FBXO10: variants seen among roughly 807,000 people sequenced by gnomAD.
FBXO10 encodes F-box protein 10, also known as F-box only protein 10.
FBXO10 carries 39 observed loss-of-function variants against 80.7 expected under a neutral mutation model. The ratio of observed to expected loss-of-function variants is 0.48; its 90% CI spans 0.37 to 0.63. The LOEUF (loss-of-function observed/expected upper bound fraction) is 0.63. Ranked by LOEUF, FBXO10 falls within the 30% of genes least tolerant of loss-of-function variation. The pLI, the probability that FBXO10 is intolerant of heterozygous loss-of-function variation, is 0.00. For synonymous variants in FBXO10, 449 were observed against 489.6 expected (o/e 0.92, Z 1.09); for missense variants, 1,025 against 1,269.0 (o/e 0.81, Z 2.92).
At chr9:37,525,004 C>G (rs759581546) in intron 6 of FBXO10, 98 bp downstream of exon 6, 2 of 1,029,374 alleles carry the variant, frequency 1.9e-6, no homozygotes, top group Non-Finnish European at 2.9e-6. Context: ...AGGCCATAGT[C>G]TGTGGGGGTA....
Position 37,574,745 on chromosome 9 carries a change from G to A in FBXO10, c.-7+1466C>T, listed in dbSNP as rs181393508. ...GCTTATTGTTATTTTAAAATGTACT[G>A]AGAACGGGCAGGGAGATGGATATAT... On this transcript the variant is annotated intron_variant, in intron 1 of 10. Transcript: ENST00000432825. 5.6e-4 allele frequency among the ~76,000 whole-genome samples: 85 copies of A among 152,294 alleles called. 1 individual carries two copies. The highest frequency in any genetic ancestry group is 2.0e-3 in the African/African-American group (85 of 41,550).
Position 37,512,663 on chromosome 9 carries a change from TGA to T in FBXO10, c.2753_2754del (p.Leu918GlnfsTer94). ...CCATTGTGGGCTGCCGAGGGACGTC[TGA>T]GAGAATTTTCAAGGTGGGGCCGTGC... The part of the protein sequence containing the change: ...PPARPHLENS[L>X]RRPSAAHNGQ... On this transcript the variant is annotated frameshift_variant, in exon 11 of 11. Coordinates refer to ENST00000432825, the MANE Select transcript of FBXO10 (RefSeq NM_012166.3). LOFTEE classifies it high-confidence loss of function. 6.2e-7 allele frequency: 1 copy of T among 1,613,970 alleles called. No individual in the cohort carries two copies. Among genetic ancestry groups the T allele is most frequent in the Non-Finnish European group, 8.5e-7 (1 of 1,179,886 alleles).
chr9:37,550,770 C>A (rs1414447512), intron 1 of FBXO10, among the ~76,000 whole-genome samples: 3 of 152,182 alleles, frequency 2.0e-5, no homozygotes, highest in African/African-American at 2.4e-5. Context: ...CCACACCCAG[C>A]CTATTTCTCA....
At chr9:37,519,082 T>A (rs1821261326) in intron 8 of FBXO10, among the ~76,000 whole-genome samples, 2 of 152,090 alleles carry the variant, frequency 1.3e-5, no homozygotes, top group South Asian at 4.2e-4. Context: ...GCTAATTTTT[T>A]GTATTTTTAG....
At chr9:37,551,901 T>C (rs1822206449) in intron 1 of FBXO10, among the ~76,000 whole-genome samples, 1 of 152,250 alleles carries the variant, frequency 6.6e-6, no homozygotes, top group South Asian at 2.1e-4. Flanking sequence ...ACATCGTGAA[T>C]GCTCTGCTGC....
rs1588827373 is a variant in FBXO10, at chr9:37,522,988, A to C, written c.1778-11T>G. The C allele has an allele frequency of 1.3e-6, 2 of 1,586,868 alleles. No homozygotes were observed. The highest frequency in any genetic ancestry group is 1.7e-6 in the Non-Finnish European group (2 of 1,166,820). ...CACGGATGACATTTTCTATGGAGAG[A>C]AGCAGAAAAGAAGGTCAGTACCCAA... is the stretch of plus-strand genomic sequence containing the variant. On this transcript the variant is annotated splice_polypyrimidine_tract_variant and intron_variant, in intron 6 of 10. Transcript: ENST00000432825.
chr9:37,519,497 G>A (rs1159014173), intron 8 of FBXO10, among the ~76,000 whole-genome samples: 2 of 152,148 alleles, frequency 1.3e-5, no homozygotes, highest in African/African-American at 4.8e-5. Context: ...TTGGGGCAGT[G>A]CTGGGGGAGG....
Position 37,521,573 on chromosome 9 carries a change from A to G in FBXO10, c.2196T>C (p.Asn732=). The part of the protein sequence containing the change: ...ALVESNSINH[N]GASGLYVQSS... ...GGGCTGAGGGGGTATACTCACCTCC[A>G]TTGTGATTAATACTGTTAGACTCAA... is the stretch of plus-strand genomic sequence containing the variant. The change falls in exon 8 of 11, where the codon AAT becomes AAC. Residue 732 remains asparagine, a synonymous_variant. Coordinates refer to ENST00000432825, the MANE Select transcript of FBXO10 (RefSeq NM_012166.3). 1.2e-6 allele frequency: 2 copies of G among 1,606,298 alleles called. No individual in the cohort carries two copies. The highest frequency in any genetic ancestry group is 1.7e-6 in the Non-Finnish European group (2 of 1,174,672).
rs1821035330 is a variant in FBXO10 at position 37,510,938 on chromosome 9, G to GT, written c.*1608dup. The GT allele has an allele frequency of 6.6e-6, 1 of 152,634 alleles. No homozygotes were observed. Among genetic ancestry groups the GT allele is most frequent in the Admixed American group, 6.5e-5 (1 of 15,288 alleles). 9.5% of individuals were successfully genotyped at this position (152,634 alleles called of 1,614,324 possible). On this transcript the variant is annotated 3_prime_UTR_variant, in exon 11 of 11. Coordinates refer to ENST00000432825, the MANE Select transcript of FBXO10 (RefSeq NM_012166.3). ...CTTTATTTTGGTTACTGAGGTTTTT[G>GT]TTACTGTTGGTTCACAGAAAAGTCA...
At chr9:37,542,657 A>T (rs1035078879) in intron 1 of FBXO10, among the ~76,000 whole-genome samples, 3 of 152,078 alleles carry the variant, frequency 2.0e-5, no homozygotes, top group Admixed American at 6.6e-5. Flanking sequence ...TGTGGAGGAA[A>T]CCTTCTGGTA....
chr9:37,553,330 C>T (rs1005598295), intron 1 of FBXO10, among the ~76,000 whole-genome samples: 4 of 152,044 alleles, frequency 2.6e-5, no homozygotes, highest in South Asian at 2.1e-4. Context: ...TGAGCCACCG[C>T]GCCCGGCCAC....
At position 37,571,738 on chromosome 9, in the gene FBXO10, T is replaced by TATATATATATAC. The variant is rs1822764024; in HGVS notation, c.-7+4472_-7+4473insGTATATATATAT. ...CCATATATATATATATATATATATA[T>TATATATATATAC]ATATATATATTTCCTTATTGAAAAA... On this transcript the variant is annotated intron_variant, in intron 1 of 10. Coordinates refer to ENST00000432825, the MANE Select transcript of FBXO10 (RefSeq NM_012166.3). Among the ~76,000 whole-genome samples the TATATATATATAC allele has an allele frequency of 6.3e-5, 9 of 143,028 alleles. No individual in the cohort carries two copies. The South Asian group carries it at 1.5e-3, about 24-fold the overall frequency. The allele number at this position is 143,028 out of a possible 152,430, so 93.8% of individuals were successfully genotyped here.
chr9:37,538,712 AAAAAAAAAAAAAAGC>A (rs1436295356), intron 2 of FBXO10, among the ~76,000 whole-genome samples: 2 of 151,558 alleles, frequency 1.3e-5, no homozygotes, highest in African/African-American at 4.8e-5. Context: ...GGTGTCCAAA[AAAAAAAAAAAAAAGC>A]ATGGGCTCCG....
chr9:37,550,176 T>G (rs1226460992), intron 1 of FBXO10, among the ~76,000 whole-genome samples: 2 of 67,566 alleles, frequency 3.0e-5, no homozygotes, highest in South Asian at 4.4e-4. Flanking sequence ...CAGGTTTTTT[T>G]TTTTTTTTTT....
At chr9:37,524,333 A>G (rs145965865) in intron 6 of FBXO10, among the ~76,000 whole-genome samples, 92 of 152,256 alleles carry the variant, frequency 6.0e-4, no homozygotes, top group African/African-American at 2.2e-3. Context: ...TCATATACGT[A>G]GGCTTTTATT....
chr9:37,521,511 AAAAG>A, intron 8 of FBXO10, 54 bp downstream of exon 8: 2 of 1,423,320 alleles, frequency 1.4e-6, no homozygotes. Flanking sequence ...TGGAGAAAAA[AAAAG>A]ACAGTGGGGA....
At chr9:37,522,009 G>T (rs770163210) in intron 7 of FBXO10, 171 bp from the exon 8 acceptor site, 19 of 692,830 alleles carry the variant, frequency 2.7e-5, no homozygotes, top group Non-Finnish European at 3.7e-5. Context: ...CTTCACACAA[G>T]AGAGGTCATC....
At chr9:37,543,056 G>A (rs1244187241) in intron 1 of FBXO10, among the ~76,000 whole-genome samples, 1 of 152,184 alleles carries the variant, frequency 6.6e-6, no homozygotes, top group African/African-American at 2.4e-5. Flanking sequence ...AGTAATTACT[G>A]TTTCCCCACG....
chr9:37,528,617 A>G (rs1219253084), intron 5 of FBXO10, among the ~76,000 whole-genome samples: 1 of 152,160 alleles, frequency 6.6e-6, no homozygotes, highest in Non-Finnish European at 1.5e-5. Flanking sequence ...CCACTCTGAC[A>G]GCATTTATCA....
Sources: gnomAD v4.1 joint callset for allele counts (sites outside exome capture counted in the v4.1 genomes callset) on GRCh38, gnomAD v4.1.1 for gene constraint, MANE v1.5 for transcripts, NCBI Gene and HGNC (gene_info 2026-07-23, HGNC 2026-07-21) for gene names.